FOXP1: variants seen among roughly 807,000 people sequenced by gnomAD.
FOXP1 encodes forkhead box P1, also known as forkhead box protein P1.
A neutral mutation model predicts 98.2 loss-of-function variants in FOXP1; 15 were observed. The ratio of observed to expected loss-of-function variants is 0.15; its 90% CI spans 0.10 to 0.24. The LOEUF (loss-of-function observed/expected upper bound fraction) is 0.24. FOXP1 is among the 10% of genes least tolerant of loss of function. FOXP1 has a pLI of 1.00. For missense variants in FOXP1, 633 were observed against 848.5 expected (o/e 0.75, Z 3.15); for synonymous variants, 371 against 314.5 (o/e 1.18, Z -1.90).
At chr3:70,993,400 G>A (rs1424089643) in intron 13 of FOXP1, among the ~76,000 whole-genome samples, 1 of 152,172 alleles carries the variant, frequency 6.6e-6, no homozygotes, top group African/African-American at 2.4e-5. Context: ...TGATCCTCTG[G>A]GTGGAAGCGT....
chr3:71,236,716 T>C (rs1169720900), intron 5 of FOXP1, among the ~76,000 whole-genome samples: 2 of 150,164 alleles, frequency 1.3e-5, no homozygotes, highest in African/African-American at 2.5e-5. Context: ...CAAGAGACAA[T>C]AAAAATCATT....
chr3:71,306,645 A>C (rs1458600103), intron 4 of FOXP1, among the ~76,000 whole-genome samples: 9 of 151,274 alleles, frequency 5.9e-5, no homozygotes, highest in South Asian at 2.1e-4. Flanking sequence ...AAAAAAAAAA[A>C]AAAAAAAAAA....
At chr3:71,085,578 G>A (rs926879607) in intron 7 of FOXP1, among the ~76,000 whole-genome samples, 1 of 151,656 alleles carries the variant, frequency 6.6e-6, no homozygotes, top group Admixed American at 6.6e-5. Context: ...TACTATTAAG[G>A]AATATTATAT....
rs1578287228 is a variant in FOXP1 at position 71,583,666 on chromosome 3, T to A, written c.-542A>T. 24 of 983,462 alleles carry A rather than the reference T, an allele frequency of 2.4e-5. No homozygotes were observed. Among genetic ancestry groups the A allele is most frequent in the Non-Finnish European group, 2.7e-5 (22 of 829,338 alleles). The allele number at this position is 983,462 out of a possible 1,614,324, so 60.9% of individuals were successfully genotyped here. ...CCGCGCGCGCACCCCGCGCACACACTCACTCGCGCACACACGCGCGCACAC... is the reference window on the plus strand; with the variant it reads ...CCGCGCGCGCACCCCGCGCACACACACACTCGCGCACACACGCGCGCACAC... On this transcript the variant is annotated 5_prime_UTR_variant, in exon 1 of 21. Coordinates refer to ENST00000649528, the MANE Select transcript of FOXP1 (RefSeq NM_001349338.3).
chr3:71,037,768 A>T (rs1185559931), intron 11 of FOXP1, among the ~76,000 whole-genome samples: 3 of 152,218 alleles, frequency 2.0e-5, no homozygotes, highest in Non-Finnish European at 4.4e-5. Flanking sequence ...ATGATTACAC[A>T]GGGACAGGAT....
intron 7 of FOXP1, among the ~76,000 whole-genome samples, chr3:71,057,744 C>A (rs996000139): frequency 6.6e-6 from 1 of 152,108 alleles, no homozygotes; most frequent in African/African-American, 2.4e-5. Flanking sequence ...AAAAAACACA[C>A]GGCATGATAC....
rs370345569 is a variant in FOXP1 at position 71,291,490 on chromosome 3, G to C, written c.-12+8330C>G. The stretch of plus-strand genomic sequence containing the variant: ...CCAGGTAGCTAGTGGCTCCCACACT[G>C]GACAGGGGAGGTCAAGCACAATGCC... On this transcript the variant is annotated intron_variant, in intron 5 of 20. Transcript: ENST00000649528. Among the ~76,000 whole-genome samples, 7 of 152,222 alleles carry C rather than the reference G, an allele frequency of 4.6e-5. No homozygotes were observed. In the East Asian group the frequency reaches 5.8e-4, roughly 13 times the overall value.
Position 71,112,578 on chromosome 3 carries a change from T to C in FOXP1, c.240A>G (p.Gly80=). ...LQQQQQQQVS[G]LKSPKRNDKQ... ...TGTCATTCCTCTTGGGAGATTTTAA[T>C]CCACTAACTTGCTGCTGCTGTTGCT... Residue 80 remains glycine (G), a synonymous_variant, in exon 7 of 21, where the codon GGA becomes GGG. Transcript: ENST00000649528. 1.9e-6 allele frequency: 3 copies of C among 1,614,108 alleles called. No homozygotes were observed. The highest frequency in any genetic ancestry group is 2.5e-6 in the Non-Finnish European group (3 of 1,179,944).
At chr3:71,491,367 T>C (rs1442941327) in intron 3 of FOXP1, among the ~76,000 whole-genome samples, 3 of 152,176 alleles carry the variant, frequency 2.0e-5, no homozygotes, top group Admixed American at 1.3e-4. Context: ...CTACAGACCA[T>C]CCACAAAAGT....
intron 5 of FOXP1, chr3:71,289,983 CAA>C (rs2072572014): frequency 1.3e-5 from 2 of 152,160 alleles, no homozygotes; most frequent in Admixed American, 6.6e-5. Flanking sequence ...TGAGTTCAGT[CAA>C]GTTTATGCCT....
intron 3 of FOXP1, among the ~76,000 whole-genome samples, chr3:71,403,045 A>C (rs1296837552): frequency 6.6e-6 from 1 of 152,196 alleles, no homozygotes; most frequent in Non-Finnish European, 1.5e-5. Flanking sequence ...CAGATAAGAG[A>C]TTGTATAAGC....
intron 3 of FOXP1, among the ~76,000 whole-genome samples, chr3:71,464,006 T>C (rs2088435709): frequency 6.6e-6 from 1 of 152,164 alleles, no homozygotes; most frequent in African/African-American, 2.4e-5. Context: ...AGGCTACACA[T>C]GGTGGCTCAC....
At chr3:71,237,642 A>T (rs999317593) in intron 5 of FOXP1, among the ~76,000 whole-genome samples, 6 of 152,244 alleles carry the variant, frequency 3.9e-5, no homozygotes, top group Non-Finnish European at 7.3e-5. Flanking sequence ...CAGGAAGCAC[A>T]GAGTTTCCTT....
intron 10 of FOXP1, among the ~76,000 whole-genome samples, chr3:71,041,872 C>T (rs1484480113): frequency 6.6e-6 from 1 of 152,014 alleles, no homozygotes; most frequent in Admixed American, 6.6e-5. Flanking sequence ...GTTTTAGACA[C>T]AAAGAAGGGC....
chr3:71,402,578 C>A (rs1381257194), intron 3 of FOXP1, among the ~76,000 whole-genome samples: 1 of 152,114 alleles, frequency 6.6e-6, no homozygotes, highest in East Asian at 1.9e-4. Flanking sequence ...AACATGATAC[C>A]TTTTTCAAAA....
chr3:71,231,142 T>C lies in FOXP1; in HGVS notation c.-11-32750A>G, dbSNP rs534403432. Among the ~76,000 whole-genome samples, 67 of 152,352 alleles carry C rather than the reference T, an allele frequency of 4.4e-4. 1 individual carries two copies. In the Middle Eastern group the frequency reaches 0.02, roughly 46 times the overall value. On this transcript the variant is annotated intron_variant, in intron 5 of 20. Coordinates refer to ENST00000649528, the MANE Select transcript of FOXP1 (RefSeq NM_001349338.3). ...CAGCAAAAGTCCCCTTTTCTTTCAA[T>C]GAGGACAATTTGGTTTAAAATAGCT...
chr3:71,553,482 T>A (rs2107682713), intron 2 of FOXP1, among the ~76,000 whole-genome samples: 1 of 152,280 alleles, frequency 6.6e-6, no homozygotes, highest in African/African-American at 2.4e-5. Context: ...ATTTCAGAAT[T>A]AAAAAATGTT....
At chr3:71,163,232 G>A (rs963234245) in intron 6 of FOXP1, among the ~76,000 whole-genome samples, 1 of 152,164 alleles carries the variant, frequency 6.6e-6, no homozygotes, top group Non-Finnish European at 1.5e-5. Flanking sequence ...ATGAAAAATT[G>A]AGGTGCCAAT....
intron 5 of FOXP1, among the ~76,000 whole-genome samples, chr3:71,247,408 C>T (rs979641546): frequency 3.3e-5 from 5 of 152,212 alleles, no homozygotes; most frequent in Non-Finnish European, 5.9e-5. Context: ...ATGGCCTCCT[C>T]TGTCACACCT....
Sources: allele counts gnomAD v4.1 joint callset (sites outside exome capture counted in the v4.1 genomes callset), GRCh38; gene constraint gnomAD v4.1.1; transcripts MANE v1.5; gene names NCBI Gene and HGNC (gene_info 2026-07-23, HGNC 2026-07-21).